Variants in ADGRA2 observed in about 807,000 individuals in gnomAD.
The protein encoded by ADGRA2 is adhesion G protein-coupled receptor A2.
ADGRA2 carries 61 observed loss-of-function variants against 98.7 expected under a neutral mutation model. The ratio of observed to expected loss-of-function variants is 0.62; its 90% confidence interval spans 0.50 to 0.76. The LOEUF is 0.76. Among genes scored for constraint, ADGRA2 ranks in the 30% least tolerant of loss-of-function variants. ADGRA2 has a pLI of 0.00. For synonymous variants in ADGRA2, 858 were observed against 831.5 expected (o/e 1.03, Z -0.55); for missense variants, 1,712 against 1,860.0 (o/e 0.92, Z 1.46).
intron 1 of ADGRA2, among the ~76,000 whole-genome samples, chr8:37,812,153 G>T (rs1804850214): frequency 7.0e-6 from 1 of 142,102 alleles, no homozygotes. Flanking sequence ...ACTTGCAATG[G>T]TGTTGTTGTT....
chr8:37,844,739 C>T lies in ADGRA2; in HGVS notation c.*2384C>T, dbSNP rs1471320127. On this transcript the variant is annotated 3_prime_UTR_variant, in exon 19 of 19. Transcript: ENST00000412232. ...GTAAACCTAAGGAATTATTTCCCAC[C>T]TCCCCTTCTCCTTGCCCCTGTCCCC... 1.2e-6 allele frequency: 2 copies of T among 1,614,088 alleles called. No individual in the cohort carries two copies. The highest frequency in any genetic ancestry group is 1.6e-4 in the Middle Eastern group (1 of 6,062).
intron 1 of ADGRA2, among the ~76,000 whole-genome samples, chr8:37,798,543 G>A (rs189976864): frequency 7.2e-4 from 109 of 152,306 alleles, no homozygotes; most frequent in Non-Finnish European, 9.4e-4. Context: ...GCAGCTCCAC[G>A]CACGCCGTGG....
chr8:37,840,377 C>A, intron 17 of ADGRA2, 111 bp downstream of exon 17: 1 of 1,201,294 alleles, frequency 8.3e-7, no homozygotes, highest in South Asian at 1.2e-5. Flanking sequence ...AGATCACTCT[C>A]CAAAGACGGG....
Position 37,831,555 on chromosome 8 carries a change from C to T in ADGRA2, c.1065C>T (p.Ala355=), listed in dbSNP as rs565512496. The change falls in exon 8 of 19, where the codon GCC becomes GCT. Residue 355 remains alanine (A), a synonymous_variant. Coordinates refer to ENST00000412232, the MANE Select transcript of ADGRA2 (RefSeq NM_032777.10). ...VLETSASYCP[A]ERVANNRGDF... is the part of the protein sequence containing the mutation. ...AGACCTCTGCCTCCTACTGCCCCGCCGAGCGTGTTGCCAACAACCGCGGGG... is the reference window on the plus strand; with the variant it reads ...AGACCTCTGCCTCCTACTGCCCCGCTGAGCGTGTTGCCAACAACCGCGGGG... The T allele has an allele frequency of 7.3e-5, 117 of 1,613,752 alleles. No individual in the cohort carries two copies. The highest frequency in any genetic ancestry group is 1.1e-4 in the African/African-American group (8 of 74,930).
In ADGRA2 at chr8:37,829,714, C is replaced by G; in HGVS notation, c.555-137C>G. 3.0e-6 allele frequency: 3 copies of G among 1,005,128 alleles called. No homozygotes were observed. In the East Asian group the frequency reaches 7.3e-5, roughly 24 times the overall value. The allele number at this position is 1,005,128 out of a possible 1,614,324, so 62.3% of individuals were successfully genotyped here. A position where few individuals can be genotyped will look rare whatever the true frequency, so the allele number is the denominator to read the frequency against. On this transcript the variant is annotated intron_variant, in intron 5 of 18. Coordinates refer to ENST00000412232, the MANE Select transcript of ADGRA2 (RefSeq NM_032777.10). Reference sequence around the variant, plus strand: ...CCATGATCACCTTCCCGCGATGGCCCGGGGCAGAGATGGTGCACATAGACC... The same window carrying G: ...CCATGATCACCTTCCCGCGATGGCCGGGGGCAGAGATGGTGCACATAGACC...
At chr8:37,812,934 C>T (rs1050369126) in intron 1 of ADGRA2, among the ~76,000 whole-genome samples, 1 of 152,024 alleles carries the variant, frequency 6.6e-6, no homozygotes, top group African/African-American at 2.4e-5. Context: ...AGTGATCTGC[C>T]CGTCCCAGCC....
intron 1 of ADGRA2, among the ~76,000 whole-genome samples, chr8:37,812,153 G>GTGGTGTTGT (rs776961496): frequency 1.4e-5 from 2 of 142,102 alleles, no homozygotes; most frequent in Non-Finnish European, 3.2e-5. Flanking sequence ...ACTTGCAATG[G>GTGGTGTTGT]TGTTGTTGTT....
intron 2 of ADGRA2, among the ~76,000 whole-genome samples, chr8:37,825,175 G>A (rs1038084736): frequency 1.3e-5 from 2 of 152,086 alleles, no homozygotes; most frequent in Non-Finnish European, 2.9e-5. Context: ...ATATCTGCGC[G>A]TGCTTCCACA....
intron 1 of ADGRA2, among the ~76,000 whole-genome samples, chr8:37,804,699 C>T (rs1043078463): frequency 1.3e-5 from 2 of 152,228 alleles, no homozygotes; most frequent in Non-Finnish European, 2.9e-5. Flanking sequence ...CATTAAACAG[C>T]TCTGCAGGCA....
At position 37,797,339 on chromosome 8, in the gene ADGRA2, T is replaced by C; in HGVS notation, c.71T>C (p.Leu24Pro). The change falls in exon 1 of 19, where the codon CTG (leucine) becomes CCG (proline). Residue 24 changes from leucine (L) to proline (P), a missense_variant. Transcript: ENST00000412232. This position sits in a 1 kb window ranked among gnomAD's most constrained non-coding sequence, Gnocchi z 5.3. ...CTGCTGCCGCTGCTGCCGTGGCTCCTGCTGCTCCTGGCGCCCGAGGCTCGG... is the reference window on the plus strand; with the variant it reads ...CTGCTGCCGCTGCTGCCGTGGCTCCCGCTGCTCCTGGCGCCCGAGGCTCGG... The part of the protein sequence containing the change: ...RLLLPLLPWL[L>P]LLLAPEARGA... 2.9e-6 allele frequency: 4 copies of C among 1,393,120 alleles called. No homozygotes were observed. The highest frequency in any genetic ancestry group is 3.7e-6 in the Non-Finnish European group (4 of 1,077,524). 86.3% of individuals were successfully genotyped at this position (1,393,120 alleles called of 1,614,324 possible). A position where few individuals can be genotyped will look rare whatever the true frequency, so the allele number is the denominator to read the frequency against.
In ADGRA2 at chr8:37,841,571, C is replaced by A; in HGVS notation, c.3233C>A (p.Ala1078Asp). Reference protein sequence around the residue: ...HHCARRRDVRASWRACCPPAS... With the variant: ...HHCARRRDVRDSWRACCPPAS... ...TGTGCCAGGCGGAGGGACGTGAGAG[C>A]CTCGTGGCGCGCCTGCTGCCCCCCT... Residue 1078 changes from alanine to aspartate, a missense_variant, in exon 19 of 19, where the codon GCC (alanine) becomes GAC (aspartate). Transcript: ENST00000412232. This position sits in a 1 kb window ranked among gnomAD's most constrained non-coding sequence, Gnocchi z 5.0. 6.2e-7 allele frequency: 1 copy of A among 1,602,414 alleles called. No individual in the cohort carries two copies. Among genetic ancestry groups the A allele is most frequent in the South Asian group, 1.1e-5 (1 of 89,506 alleles).
In ADGRA2 at chr8:37,797,824, C is replaced by T. The variant is rs1346308645; in HGVS notation, c.266+290C>T. ...AAGTGGAGAGCACGCCTGCAGGGCA[C>T]CCACGCCCCGGATTTCCAGCCTGGA... On this transcript the variant is annotated intron_variant, in intron 1 of 18. Coordinates refer to ENST00000412232, the MANE Select transcript of ADGRA2 (RefSeq NM_032777.10). The surrounding 1 kb of genome is among the most constrained non-coding windows in gnomAD (Gnocchi z 5.3). Among the ~76,000 whole-genome samples the T allele has an allele frequency of 6.6e-6, 1 of 152,176 alleles. No individual in the cohort carries two copies. The highest frequency in any genetic ancestry group is 2.4e-5 in the African/African-American group (1 of 41,446).
At position 37,840,791 on chromosome 8, in the gene ADGRA2, A is replaced by G; in HGVS notation, c.2689A>G (p.Ile897Val). ...FYLIAGGIPL[I>V]ICGITAAVNI... Reference sequence around the variant, plus strand: ...TTTGATCGCTGGAGGGATTCCACTCATTATCTGTGGCATCACAGCTGCAGT... The same window carrying G: ...TTTGATCGCTGGAGGGATTCCACTCGTTATCTGTGGCATCACAGCTGCAGT... The change falls in exon 18 of 19, where the codon ATT becomes GTT. Residue 897 changes from isoleucine (I) to valine (V), a missense_variant. Transcript: ENST00000412232. 1 of 1,608,836 alleles carries G rather than the reference A, an allele frequency of 6.2e-7. No homozygotes were observed. Among genetic ancestry groups the G allele is most frequent in the African/African-American group, 1.3e-5 (1 of 74,838 alleles).
chr8:37,806,326 C>G (rs935694163), intron 1 of ADGRA2, among the ~76,000 whole-genome samples: 2 of 152,058 alleles, frequency 1.3e-5, no homozygotes, highest in African/African-American at 2.4e-5. Context: ...TGAATGAATA[C>G]CTAACTGTGG....
At chr8:37,820,740 T>C (rs2129969947) in intron 2 of ADGRA2, among the ~76,000 whole-genome samples, 1 of 152,330 alleles carries the variant, frequency 6.6e-6, no homozygotes, top group African/African-American at 2.4e-5. Context: ...CCCTTGAGCC[T>C]TTGCAAATGG....
chr8:37,811,167 T>TG (rs1804820390), intron 1 of ADGRA2, among the ~76,000 whole-genome samples: 1 of 78,244 alleles, frequency 1.3e-5, no homozygotes, highest in Non-Finnish European at 2.3e-5. Flanking sequence ...TGTGTGTGTG[T>TG]GTTTTTTTTT....
rs1244239372 is a variant in ADGRA2, at chr8:37,834,235, C to CA, written c.1608+110dup. The CA allele has an allele frequency of 9.3e-7, 1 of 1,080,354 alleles. No homozygotes were observed. The highest frequency in any genetic ancestry group is 1.3e-6 in the Non-Finnish European group (1 of 761,286). 66.9% of individuals were successfully genotyped at this position (1,080,354 alleles called of 1,614,324 possible). A position where few individuals can be genotyped will look rare whatever the true frequency, so the allele number is the denominator to read the frequency against. On this transcript the variant is annotated intron_variant, in intron 11 of 18. Coordinates refer to ENST00000412232, the MANE Select transcript of ADGRA2 (RefSeq NM_032777.10). The surrounding 1 kb of genome is among the most constrained non-coding windows in gnomAD (Gnocchi z 4.2). ...CAGCTAGCAAGAGCAGCAGACGTGACAAAGTTCTGAGCCATGGGGTTCACT... is the reference window on the plus strand; with the variant it reads ...CAGCTAGCAAGAGCAGCAGACGTGACAAAAGTTCTGAGCCATGGGGTTCACT...
At position 37,837,946 on chromosome 8, in the gene ADGRA2, G is replaced by A; in HGVS notation, c.2259+7G>A. 5 of 1,455,440 alleles carry A rather than the reference G, an allele frequency of 3.4e-6. No homozygotes were observed. Among genetic ancestry groups the A allele is most frequent in the South Asian group, 1.5e-5 (1 of 68,490 alleles). The allele number at this position is 1,455,440 out of a possible 1,614,324, so 90.2% of individuals were successfully genotyped here. On this transcript the variant is annotated splice_region_variant and intron_variant, in intron 14 of 18. Transcript: ENST00000412232. ...CAATGTGGCCGTGCTCATGGTGGGTGTGAGGAGGGGTGACAAGTCGGGGGG... is the reference window on the plus strand; with the variant it reads ...CAATGTGGCCGTGCTCATGGTGGGTATGAGGAGGGGTGACAAGTCGGGGGG...
At chr8:37,800,785 T>C (rs1804478913) in intron 1 of ADGRA2, among the ~76,000 whole-genome samples, 1 of 152,210 alleles carries the variant, frequency 6.6e-6, no homozygotes, top group South Asian at 2.1e-4. Context: ...GCCAGACTCA[T>C]TTCCAAACTC....
Sources: allele counts gnomAD v4.1 joint callset (sites outside exome capture counted in the v4.1 genomes callset), GRCh38; gene constraint gnomAD v4.1.1; non-coding constraint Gnocchi (gnomAD v3.1); transcripts MANE v1.5; gene names NCBI Gene and HGNC (gene_info 2026-07-23, HGNC 2026-07-21).